The following CARM1 variants were observed in gnomAD, a reference collection of about 807,000 sequenced individuals.
CARM1 encodes histone-arginine methyltransferase CARM1.
CARM1 carries 14 observed loss-of-function variants against 72.7 expected under a neutral mutation model. The ratio of observed to expected loss-of-function variants is 0.19; its 90% CI spans 0.13 to 0.30. CARM1 has a LOEUF of 0.30. CARM1 is among the 10% of genes least tolerant of loss of function. The pLI is 1.00. For synonymous variants in CARM1, 333 were observed against 345.5 expected (o/e 0.96, Z 0.40); for missense variants, 432 against 833.7 (o/e 0.52, Z 5.93).
intron 9 of CARM1, 27 bp downstream of exon 9, chr19:10,919,707 C>G (rs1475246594): frequency 6.3e-7 from 1 of 1,594,188 alleles, no homozygotes; most frequent in Non-Finnish European, 8.6e-7. Context: ...TCCATCCTCC[C>G]AGGCCTGGCT....
chr19:10,884,507 A>T (rs1006902413), intron 1 of CARM1, among the ~76,000 whole-genome samples: 2 of 151,696 alleles, frequency 1.3e-5, no homozygotes, highest in Non-Finnish European at 2.9e-5. Flanking sequence ...CTTTGACACT[A>T]CACAGCTCTG....
At chr19:10,899,562 C>T (rs1002464084) in intron 1 of CARM1, among the ~76,000 whole-genome samples, 1 of 152,046 alleles carries the variant, frequency 6.6e-6, no homozygotes, top group South Asian at 2.1e-4. Context: ...TCAGGAGGTT[C>T]CTCCATGCCC....
chr19:10,881,345 G>A (rs927614145), intron 1 of CARM1, among the ~76,000 whole-genome samples: 7 of 152,184 alleles, frequency 4.6e-5, no homozygotes, highest in African/African-American at 1.7e-4. Flanking sequence ...CAGCTTCTCA[G>A]AAGGATCTGT....
rs1275895311 is a variant in CARM1 at position 10,894,913 on chromosome 19, T to G, written c.221-10038T>G. ...GCATCACCATGCCCAGCTAATTTTT[T>G]TATTATTATTTGTAGAAGATGGGGT... On this transcript the variant is annotated intron_variant, in intron 1 of 15. Transcript: ENST00000327064. 2.0e-5 allele frequency among the ~76,000 whole-genome samples: 3 copies of G among 151,796 alleles called. No homozygotes were observed. The East Asian group carries it at 5.8e-4, about 29-fold the overall frequency.
Position 10,922,929 on chromosome 19 carries a change from T to C in CARM1, c.*1172T>C, listed in dbSNP as rs1420275856. Reference sequence around the variant, plus strand: ...TCTCCCTCCTGTTCCAGGGGAGCCATAGGAGGGAAAGCAGGTGGCCCGGGG... The same window carrying C: ...TCTCCCTCCTGTTCCAGGGGAGCCACAGGAGGGAAAGCAGGTGGCCCGGGG... On this transcript the variant is annotated 3_prime_UTR_variant, in exon 16 of 16. Coordinates refer to ENST00000327064, the MANE Select transcript of CARM1 (RefSeq NM_199141.2). 2 of 191,190 alleles carry C rather than the reference T, an allele frequency of 1.0e-5. No homozygotes were observed. Among genetic ancestry groups the C allele is most frequent in the Non-Finnish European group, 2.1e-5 (2 of 94,650 alleles). The allele number at this position is 191,190 out of a possible 1,614,324, so 11.8% of individuals were successfully genotyped here.
Position 10,912,365 on chromosome 19 carries a change from A to G in CARM1, c.669+71A>G. 8.6e-7 allele frequency: 1 copy of G among 1,157,076 alleles called. No homozygotes were observed. Among genetic ancestry groups the G allele is most frequent in the South Asian group, 1.2e-5 (1 of 82,106 alleles). 71.7% of individuals were successfully genotyped at this position (1,157,076 alleles called of 1,614,324 possible). A position where few individuals can be genotyped will look rare whatever the true frequency, so the allele number is the denominator to read the frequency against. ...GTGCCATGCCGGCCCCAGCCTAGAG[A>G]AGCTTGGGAACCCCCAGGGGCCTGG... On this transcript the variant is annotated intron_variant, in intron 5 of 15. Transcript: ENST00000327064. The surrounding 1 kb of genome is among the most constrained non-coding windows in gnomAD (Gnocchi z 4.5).
At chr19:10,878,132 G>A (rs1057111800) in intron 1 of CARM1, among the ~76,000 whole-genome samples, 9 of 152,116 alleles carry the variant, frequency 5.9e-5, no homozygotes, top group Admixed American at 3.3e-4. Flanking sequence ...GTCACGAACC[G>A]CTGGGCCCGG....
At chr19:10,890,702 C>G (rs1243999419) in intron 1 of CARM1, among the ~76,000 whole-genome samples, 1 of 146,876 alleles carries the variant, frequency 6.8e-6, no homozygotes, top group Admixed American at 6.9e-5. Flanking sequence ...CATATATACA[C>G]ACACATATAT....
chr19:10,917,589 A>G (rs2074208144), intron 8 of CARM1, among the ~76,000 whole-genome samples: 1 of 152,036 alleles, frequency 6.6e-6, no homozygotes, highest in South Asian at 2.1e-4. Context: ...TTTAAACACT[A>G]CGTCTGCCCC....
chr19:10,918,407 G>T (rs1312537075), intron 8 of CARM1, among the ~76,000 whole-genome samples: 2 of 151,890 alleles, frequency 1.3e-5, no homozygotes, highest in Non-Finnish European at 2.9e-5. Flanking sequence ...TTTTTTTGTA[G>T]ATATGGGGCC....
chr19:10,908,879 G>T, intron 3 of CARM1: 2 of 448,090 alleles, frequency 4.5e-6, no homozygotes, highest in Non-Finnish European at 8.1e-6. Flanking sequence ...GGCATCAGCT[G>T]TTGCCATCGG....
intron 4 of CARM1, 108 bp downstream of exon 4, chr19:10,909,315 C>A: frequency 1.4e-6 from 1 of 708,276 alleles, no homozygotes; most frequent in Non-Finnish European, 2.4e-6. Context: ...GCATTTATCT[C>A]AGTTACTGCA....
rs551123506 is a variant in CARM1, at chr19:10,877,797, G to A, written c.220+5875G>A. Among the ~76,000 whole-genome samples the A allele has an allele frequency of 4.6e-5, 7 of 152,040 alleles. No individual in the cohort carries two copies. In the East Asian group the frequency reaches 7.7e-4, roughly 17 times the overall value. On this transcript the variant is annotated intron_variant, in intron 1 of 15. Coordinates refer to ENST00000327064, the MANE Select transcript of CARM1 (RefSeq NM_199141.2). ...GGCTGGAATGCAGTGGCGCAATCTC[G>A]GCTCACTGCAACCTCTGCCTCCCAG...
intron 3 of CARM1, 107 bp from the exon 4 acceptor site, chr19:10,908,996 G>A (rs1392220997): frequency 3.9e-6 from 3 of 774,202 alleles, no homozygotes; most frequent in Non-Finnish European, 6.6e-6. Context: ...ACCTCCCGAG[G>A]GAGGTTTGTG....
Position 10,919,375 on chromosome 19 carries a change from T to G in CARM1, c.1021-220T>G. 1.1e-5 allele frequency: 6 copies of G among 537,534 alleles called. No individual in the cohort carries two copies. In the South Asian group the frequency reaches 1.3e-4, roughly 12 times the overall value. The allele number at this position is 537,534 out of a possible 1,614,324, so 33.3% of individuals were successfully genotyped here. On this transcript the variant is annotated intron_variant, in intron 8 of 15. Transcript: ENST00000327064. ...GAGGTTAAACTCCTGTAGTGCCAAATCTTTTATGTGGATAAACACTTGTCA... is the reference window on the plus strand; with the variant it reads ...GAGGTTAAACTCCTGTAGTGCCAAAGCTTTTATGTGGATAAACACTTGTCA...
intron 1 of CARM1, among the ~76,000 whole-genome samples, chr19:10,887,748 C>T (rs2073952034): frequency 6.6e-6 from 1 of 152,182 alleles, no homozygotes. Context: ...CTGACTCAGA[C>T]TCTTTCAAGA....
chr19:10,912,577 AAAG>A lies in CARM1; in HGVS notation c.669+285_669+287del, dbSNP rs892125890. Among the ~76,000 whole-genome samples, 4 of 151,978 alleles carry A rather than the reference AAAG, an allele frequency of 2.6e-5. No individual in the cohort carries two copies. Among genetic ancestry groups the A allele is most frequent in the African/African-American group, 9.7e-5 (4 of 41,364 alleles). On this transcript the variant is annotated intron_variant, in intron 5 of 15. Transcript: ENST00000327064. The surrounding 1 kb of genome is among the most constrained non-coding windows in gnomAD (Gnocchi z 4.5). ...CAAAGTTCAAAACATAAAAGCTAAA[AAAG>A]AGCAGACAGCGTGCTCTCCTTCCCC...
rs1330533030 is a variant in CARM1 at position 10,916,672 on chromosome 19, T to C, written c.939-24T>C. ...GCCTCTTCTGCAGCCCTGACCTTGCTGTGGGGGTGGGGCCTGTCCACAGGT... is the reference window on the plus strand; with the variant it reads ...GCCTCTTCTGCAGCCCTGACCTTGCCGTGGGGGTGGGGCCTGTCCACAGGT... On this transcript the variant is annotated intron_variant, in intron 7 of 15. Transcript: ENST00000327064. This position sits in a 1 kb window ranked among gnomAD's most constrained non-coding sequence, Gnocchi z 4.4. 12 of 1,565,670 alleles carry C rather than the reference T, an allele frequency of 7.7e-6. No homozygotes were observed. The highest frequency in any genetic ancestry group is 1.2e-5 in the South Asian group (1 of 85,644).
At chr19:10,910,825 A>G (rs1304024520) in intron 4 of CARM1, among the ~76,000 whole-genome samples, 2 of 151,756 alleles carry the variant, frequency 1.3e-5, no homozygotes, top group African/African-American at 2.4e-5. Flanking sequence ...CAGCCTCCCA[A>G]AGTGCTTGGA....
Sources: allele counts gnomAD v4.1 joint callset (sites outside exome capture counted in the v4.1 genomes callset), GRCh38; gene constraint gnomAD v4.1.1; non-coding constraint Gnocchi (gnomAD v3.1); transcripts MANE v1.5; gene names NCBI Gene and HGNC (gene_info 2026-07-23, HGNC 2026-07-21).